CLDN16: variants seen among roughly 807,000 people sequenced by gnomAD.
CLDN16 encodes the protein claudin-16.
In CLDN16, 13 loss-of-function variants were observed where a neutral mutation model predicts 24.6. The observed-to-expected ratio is 0.53, with a 90% CI of 0.34 to 0.84. The LOEUF is 0.84. Among genes scored for constraint, CLDN16 ranks in the 40% least tolerant of loss-of-function variants. The pLI, the probability that CLDN16 is intolerant of heterozygous loss-of-function variation, is 0.01. For missense variants in CLDN16, 298 were observed against 292.7 expected, an observed-to-expected ratio of 1.02 and a Z score of -0.13; for synonymous variants, 116 against 106.7, an observed-to-expected ratio of 1.09 and a Z score of -0.54.
chr3:190,376,687 A>C (rs1328737586), intron 3 of CLDN16, among the ~76,000 whole-genome samples: 1 of 151,932 alleles, frequency 6.6e-6, no homozygotes, highest in African/African-American at 2.4e-5. Flanking sequence ...CACTGATCTA[A>C]TGCTGCCATG....
chr3:190,350,446 T>A (rs1178862839), intron 1 of CLDN16, among the ~76,000 whole-genome samples: 1 of 151,824 alleles, frequency 6.6e-6, no homozygotes, highest in Admixed American at 6.6e-5. Context: ...AGAGTCAATG[T>A]GTATTTTGAA....
At chr3:190,370,701 G>T (rs1005574991) in intron 1 of CLDN16, among the ~76,000 whole-genome samples, 20 of 151,906 alleles carry the variant, frequency 1.3e-4, no homozygotes, top group Admixed American at 2.0e-4. Flanking sequence ...ATTGATTCCT[G>T]GTGTGTCTGT....
chr3:190,386,040 G>A (rs543192722), upstream of CLDN16, among the ~76,000 whole-genome samples: 2 of 152,248 alleles, frequency 1.3e-5, no homozygotes, highest in South Asian at 4.1e-4. Context: ...TGCACTGTTA[G>A]CAGGTAAAGT....
Position 190,400,235 on chromosome 3 carries a change from G to GT in CLDN16, c.115-2093dup, listed in dbSNP as rs567884768. On this transcript the variant is annotated intron_variant, in intron 1 of 4. Coordinates refer to ENST00000264734, the MANE Select transcript of CLDN16 (RefSeq NM_006580.4). ...CCTCTGTCTTATTTTTTACCTCGAGGTTTTTTTTTCTGTTTGTTTGTTTAG... is the reference window on the plus strand; with the variant it reads ...CCTCTGTCTTATTTTTTACCTCGAGGTTTTTTTTTTCTGTTTGTTTGTTTAG... 8.3e-4 allele frequency among the ~76,000 whole-genome samples: 125 copies of GT among 150,796 alleles called. No individual in the cohort carries two copies. In the Middle Eastern group the frequency reaches 0.01, roughly 12 times the overall value.
chr3:190,358,668 A>G (rs1183775152), intron 1 of CLDN16, among the ~76,000 whole-genome samples: 6 of 136,050 alleles, frequency 4.4e-5, no homozygotes, highest in African/African-American at 1.3e-4. Context: ...TGCAAAATTA[A>G]AAAAAACAAC....
chr3:190,307,520 A>G, the CLDN16 span: 1 of 152,224 alleles, frequency 6.6e-6, no homozygotes, highest in East Asian at 1.9e-4. Context: ...CACTTTGGTC[A>G]TGCAGAAAGA....
chr3:190,366,187 A>G (rs1213577762), intron 1 of CLDN16, among the ~76,000 whole-genome samples: 2 of 151,868 alleles, frequency 1.3e-5, no homozygotes, highest in Non-Finnish European at 2.9e-5. Flanking sequence ...TTTACCTTAA[A>G]TTGGTAATTT....
Position 190,377,060 on chromosome 3 carries a change from C to T in CLDN16, n.306+2457C>T, listed in dbSNP as rs151306900. 1.0e-3 allele frequency among the ~76,000 whole-genome samples: 159 copies of T among 151,862 alleles called. 1 individual carries two copies. The highest frequency in any genetic ancestry group is 3.5e-3 in the African/African-American group (147 of 41,454). Reference sequence around the variant, plus strand: ...AGAAGGACAGAAATCTTCCAGGCAACGGGAAGAGCCTTTTTTGGATGCCAG... The same window carrying T: ...AGAAGGACAGAAATCTTCCAGGCAATGGGAAGAGCCTTTTTTGGATGCCAG... On this transcript the variant is annotated intron_variant and non_coding_transcript_variant, in intron 3 of 4. Coordinates refer to the CLDN16 transcript ENST00000468220.
upstream of CLDN16, among the ~76,000 whole-genome samples, chr3:190,385,166 T>A (rs9816036): frequency 0.19 from 28,220 of 152,004 alleles, 3,034 homozygotes; most frequent in Middle Eastern, 0.29. Context: ...GTGTGCTGGA[T>A]GGAATGGAAT....
chr3:190,388,041 ACTC>A, upstream of CLDN16: 1 of 1,351,864 alleles, frequency 7.4e-7, no homozygotes, highest in Non-Finnish European at 1.0e-6. Flanking sequence ...ACGTTACAGA[ACTC>A]CTCTCTCCCC....
At chr3:190,370,094 A>G (rs1387405641) in intron 1 of CLDN16, among the ~76,000 whole-genome samples, 1 of 152,000 alleles carries the variant, frequency 6.6e-6, no homozygotes, top group African/African-American at 2.4e-5. Flanking sequence ...ATGGGCCATT[A>G]GGAAACCTGG....
At chr3:190,338,246 TC>T (rs1717354361) in intron 1 of CLDN16, among the ~76,000 whole-genome samples, 1 of 152,114 alleles carries the variant, frequency 6.6e-6, no homozygotes, top group African/African-American at 2.4e-5. Flanking sequence ...CACAAGAGTC[TC>T]ATAGAACTTA....
the CLDN16 span, among the ~76,000 whole-genome samples, chr3:190,299,910 G>A: frequency 6.6e-6 from 1 of 152,086 alleles, no homozygotes; most frequent in African/African-American, 2.4e-5. Flanking sequence ...TAAGAGTGAG[G>A]GTAGAGTAAC....
At chr3:190,408,826 ATATATAC>A (rs138719450) in intron 4 of CLDN16, among the ~76,000 whole-genome samples, 13,665 of 147,860 alleles carry the variant, frequency 0.092, 850 homozygotes, top group Non-Finnish European at 0.14. Context: ...CTATATATGT[ATATATAC>A]TATATACATA....
At chr3:190,362,704 G>C (rs536606723) in intron 1 of CLDN16, among the ~76,000 whole-genome samples, 1 of 152,070 alleles carries the variant, frequency 6.6e-6, no homozygotes, top group Non-Finnish European at 1.5e-5. Flanking sequence ...ATTGCAAGTT[G>C]ACTTTTTGTT....
rs1308409787 is a variant in CLDN16, at chr3:190,350,347, TA to T, written n.122-20545del. 1.1e-4 allele frequency among the ~76,000 whole-genome samples: 5 copies of T among 46,294 alleles called. No individual in the cohort carries two copies. The South Asian group carries it at 2.7e-3, about 25-fold the overall frequency. 30.4% of individuals were successfully genotyped at this position (46,294 alleles called of 152,430 possible). ...TTAAGAATCATAGTTCATAATGTTA[TA>T]TATATATATATATATATACTTTATT... On this transcript the variant is annotated intron_variant and non_coding_transcript_variant, in intron 1 of 4. Coordinates refer to the CLDN16 transcript ENST00000468220.
chr3:190,322,242 C>T, upstream of CLDN16: 2 of 1,594,586 alleles, frequency 1.3e-6, no homozygotes, highest in Non-Finnish European at 1.7e-6. Flanking sequence ...TCAGGGGTGG[C>T]AGGTGCAGAA....
At chr3:190,315,935 C>T in the CLDN16 span, among the ~76,000 whole-genome samples, 13 of 152,316 alleles carry the variant, frequency 8.5e-5, no homozygotes, top group South Asian at 1.0e-3. Flanking sequence ...GCCCTTACTG[C>T]ACCCACCTGG....
intron 1 of CLDN16, among the ~76,000 whole-genome samples, chr3:190,391,495 C>T (rs757454453): frequency 4.6e-5 from 7 of 151,984 alleles, no homozygotes; most frequent in Non-Finnish European, 8.8e-5. Context: ...AGAAAATATG[C>T]GATGATTACT....
Sources: allele counts gnomAD v4.1 joint callset (sites outside exome capture counted in the v4.1 genomes callset), GRCh38; gene constraint gnomAD v4.1.1; transcripts MANE v1.5; gene names NCBI Gene and HGNC (gene_info 2026-07-23, HGNC 2026-07-21).